The following ACIN1 variants were observed in gnomAD, a reference collection of about 807,000 sequenced individuals.
ACIN1 encodes the protein apoptotic chromatin condensation inducer 1.
In ACIN1, 16 loss-of-function variants were observed where a neutral mutation model predicts 146.6. That is an observed-to-expected ratio of 0.11 (90% CI 0.07 to 0.17). The LOEUF (loss-of-function observed/expected upper bound fraction) is 0.17. Among genes scored for constraint, ACIN1 ranks in the 10% least tolerant of loss-of-function variants. The pLI is 1.00. For missense variants in ACIN1, 1,357 were observed against 1,609.3 expected (o/e 0.84, Z 2.68); for synonymous variants, 569 against 582.7 (o/e 0.98, Z 0.34).
In ACIN1 at chr14:23,061,174, C is replaced by T; in HGVS notation, c.3435G>A (p.Gln1145=). Residue 1145 remains glutamine (Q), a synonymous_variant, in exon 18 of 19, where the codon CAG becomes CAA. Coordinates refer to ENST00000605057, the MANE Select transcript of ACIN1 (RefSeq NM_001386863.1). ...EKKSEKKEKA[Q]EEPPAKLLDD... Reference sequence around the variant, plus strand: ...CCAGCAGCTTGGCAGGTGGTTCCTCCTGGGCTTTCTCTGAGGTGGAAAAAA... The same window carrying T: ...CCAGCAGCTTGGCAGGTGGTTCCTCTTGGGCTTTCTCTGAGGTGGAAAAAA... The T allele has an allele frequency of 6.2e-7, 1 of 1,614,156 alleles. No individual in the cohort carries two copies. The highest frequency in any genetic ancestry group is 8.5e-7 in the Non-Finnish European group (1 of 1,180,036).
chr14:23,074,199 C>T (rs763939868), intron 8 of ACIN1, among the ~76,000 whole-genome samples: 1 of 151,720 alleles, frequency 6.6e-6, no homozygotes, highest in South Asian at 2.1e-4. Context: ...TCTTAAGACA[C>T]AAGAGGCGTG....
chr14:23,067,581 C>T lies in ACIN1; in HGVS notation c.2266-1573G>A, dbSNP rs1265360310. ...GTTCACTGGCGGTGGCCAGGCTCAGCGAGGGATAGAGGGGGGAAAGGGGCA... is the reference window on the plus strand; with the variant it reads ...GTTCACTGGCGGTGGCCAGGCTCAGTGAGGGATAGAGGGGGGAAAGGGGCA... On this transcript the variant is annotated intron_variant, in intron 9 of 18. Transcript: ENST00000605057. The surrounding 1 kb of genome is among the most constrained non-coding windows in gnomAD (Gnocchi z 4.6). The T allele has an allele frequency of 3.0e-6, 3 of 985,262 alleles. No homozygotes were observed. The highest frequency in any genetic ancestry group is 3.5e-5 in the African/African-American group (2 of 57,002). 61.0% of individuals were successfully genotyped at this position (985,262 alleles called of 1,614,324 possible).
At chr14:23,091,685 G>A (rs1281676406) in intron 2 of ACIN1, among the ~76,000 whole-genome samples, 1 of 149,614 alleles carries the variant, frequency 6.7e-6, no homozygotes, top group Non-Finnish European at 1.5e-5. Flanking sequence ...GAGCAATGGC[G>A]CGATCTTGGC....
chr14:23,078,252 C>G lies in ACIN1; in HGVS notation c.2022G>C (p.Lys674Asn). 3 of 1,614,130 alleles carry G rather than the reference C, an allele frequency of 1.9e-6. No individual in the cohort carries two copies. The highest frequency in any genetic ancestry group is 1.7e-6 in the Non-Finnish European group (2 of 1,179,998). Reference sequence around the variant, plus strand: ...GTGGCTCTGCCTCTTCAGCTTCACACTTCTTTGGGCTCCCCTGTCAGGAGA... The same window carrying G: ...GTGGCTCTGCCTCTTCAGCTTCACAGTTCTTTGGGCTCCCCTGTCAGGAGA... ...RLQPERGSPK[K>N]CEAEEAEPPA... The change falls in exon 8 of 19, where the codon AAG becomes AAC. Residue 674 changes from lysine (K) to asparagine (N), a missense_variant. By Grantham distance (94) the Lys-to-Asn change is moderately conservative (BLOSUM62 0). Coordinates refer to ENST00000605057, the MANE Select transcript of ACIN1 (RefSeq NM_001386863.1).
chr14:23,072,783 T>C (rs1555372381), intron 8 of ACIN1, among the ~76,000 whole-genome samples: 1 of 152,250 alleles, frequency 6.6e-6, no homozygotes, highest in Non-Finnish European at 1.5e-5. Context: ...ATTTATACAT[T>C]ACTTTAAATG....
chr14:23,094,553 T>C lies in ACIN1; in HGVS notation c.138+422A>G, dbSNP rs1212066009. 13 of 985,156 alleles carry C rather than the reference T, an allele frequency of 1.3e-5. No homozygotes were observed. The South Asian group carries it at 1.4e-4, about 11-fold the overall frequency. 61.0% of individuals were successfully genotyped at this position (985,156 alleles called of 1,614,324 possible). On this transcript the variant is annotated intron_variant, in intron 1 of 18. Coordinates refer to ENST00000605057, the MANE Select transcript of ACIN1 (RefSeq NM_001386863.1). ...CCAGTCCTATTCGTGCAGATACCGA[T>C]ACCAACCCCATCCACCCCTTCGCGC...
At chr14:23,086,119 A>G (rs1009731111) in intron 4 of ACIN1, among the ~76,000 whole-genome samples, 2 of 152,216 alleles carry the variant, frequency 1.3e-5, no homozygotes, top group Non-Finnish European at 2.9e-5. Context: ...GTGAATAAGA[A>G]GCAGGAATGA....
intron 4 of ACIN1, among the ~76,000 whole-genome samples, chr14:23,083,154 C>G (rs2047994509): frequency 6.6e-6 from 1 of 151,958 alleles, no homozygotes; most frequent in South Asian, 2.1e-4. Flanking sequence ...GAAAGTTTCA[C>G]TCAAATTCCA....
chr14:23,081,528 G>A (rs1009036146), intron 5 of ACIN1, among the ~76,000 whole-genome samples: 1 of 152,194 alleles, frequency 6.6e-6, no homozygotes, highest in Non-Finnish European at 1.5e-5. Flanking sequence ...CCTTTGGGAG[G>A]CTGAGGTGGA....
chr14:23,063,962 C>A (rs2047371985), intron 12 of ACIN1, 143 bp downstream of exon 12: 1 of 1,109,374 alleles, frequency 9.0e-7, no homozygotes, highest in African/African-American at 1.6e-5. Context: ...ATTTGGTAGT[C>A]TGACCCCTGA....
At chr14:23,095,310 C>T (rs2048349385), upstream of ACIN1, 3 of 1,579,022 alleles carry the variant, frequency 1.9e-6, no homozygotes, top group East Asian at 2.3e-5. Flanking sequence ...TTCTTTCCAT[C>T]CGCCCTGCAG....
At chr14:23,095,267 G>T (rs367681648), upstream of ACIN1, 3 of 1,600,580 alleles carry the variant, frequency 1.9e-6, no homozygotes, top group Non-Finnish European at 2.6e-6. Context: ...GGATGTCCTC[G>T]GATGTTTCCG....
At position 23,059,263 on chromosome 14, in the gene ACIN1, C is replaced by T. The variant is rs1435512845; in HGVS notation, c.3737G>A (p.Arg1246Gln). Residue 1246 changes from arginine (R) to glutamine (Q), a missense_variant, in exon 19 of 19, where the codon CGG becomes CAG. Transcript: ENST00000605057. ...ERERDRGDRD[R>Q]DRERDRERGR... ...TCGTTCTCGGTCCCTTTCCCTATCCCGATCTCGGTCCCCCCTGTCCCGCTC... is the reference window on the plus strand; with the variant it reads ...TCGTTCTCGGTCCCTTTCCCTATCCTGATCTCGGTCCCCCCTGTCCCGCTC... 6 of 1,610,398 alleles carry T rather than the reference C, an allele frequency of 3.7e-6. No individual in the cohort carries two copies. Among genetic ancestry groups the T allele is most frequent in the African/African-American group, 2.7e-5 (2 of 74,814 alleles).
chr14:23,080,327 T>C lies in ACIN1; in HGVS notation c.1008A>G (p.Glu336=). 6.2e-7 allele frequency: 1 copy of C among 1,614,200 alleles called. No individual in the cohort carries two copies. The highest frequency in any genetic ancestry group is 8.5e-7 in the Non-Finnish European group (1 of 1,180,024). The change falls in exon 6 of 19, where the codon GAA becomes GAG. Residue 336 remains glutamate, a synonymous_variant. Transcript: ENST00000605057. ...CTACAAGTGAGGCCTTCTTTCGATC[T>C]TCAGTCAGTCGAGGAGGGGAAGGAG... The part of the protein sequence containing the change: ...SKSPSPPRLT[E]DRKKASLVAL...
At chr14:23,074,835 T>C (rs987224503) in intron 8 of ACIN1, among the ~76,000 whole-genome samples, 1 of 152,194 alleles carries the variant, frequency 6.6e-6, no homozygotes, top group Non-Finnish European at 1.5e-5. Flanking sequence ...GAGAAGCTAA[T>C]GGAAAAGGAA....
upstream of ACIN1, chr14:23,095,460 G>C: frequency 2.1e-6 from 2 of 931,690 alleles, no homozygotes; most frequent in Non-Finnish European, 3.1e-6. Context: ...GAGATGAGGC[G>C]CTGGGGCGCT....
intron 8 of ACIN1, among the ~76,000 whole-genome samples, chr14:23,077,269 G>A (rs1381425387): frequency 1.3e-5 from 2 of 152,216 alleles, no homozygotes; most frequent in Non-Finnish European, 2.9e-5. Context: ...CATACTGGTA[G>A]CATTAGTGTT....
intron 8 of ACIN1, chr14:23,077,666 A>AAGAACTAGGATATCCTAGC (rs1297113294): frequency 2.0e-5 from 3 of 153,176 alleles, no homozygotes; most frequent in Non-Finnish European, 4.4e-5. Flanking sequence ...TGTATGCTGT[A>AAGAACTAGGATATCCTAGC]AGAACTAGGA....
chr14:23,080,640 T>A lies in ACIN1; in HGVS notation c.695A>T (p.Asp232Val). The A allele has an allele frequency of 1.2e-6, 2 of 1,613,980 alleles. No homozygotes were observed. The highest frequency in any genetic ancestry group is 2.2e-5 in the South Asian group (2 of 91,070). ...EEDDEEEEGD[D>V]EGQKSREAPI... ...TGCCTCCCTAGATTTTTGTCCCTCA[T>A]CATCACCTTCCTCTTCTTCATCATC... The change falls in exon 6 of 19, where the codon GAT becomes GTT. Residue 232 changes from aspartate to valine, a missense_variant. Asp to Val is a radical substitution (Grantham distance 152). Transcript: ENST00000605057.
Sources: gnomAD v4.1 joint callset for allele counts (sites outside exome capture counted in the v4.1 genomes callset) on GRCh38, gnomAD v4.1.1 for gene constraint, Gnocchi (gnomAD v3.1) non-coding constraint, MANE v1.5 for transcripts, NCBI Gene and HGNC (gene_info 2026-07-23, HGNC 2026-07-21) for gene names.